VPS8: variants seen among roughly 807,000 people sequenced by gnomAD.
The protein encoded by VPS8 is VPS8 subunit of CORVET complex, also known as vacuolar protein sorting-associated protein 8 homolog.
VPS8 carries 129 observed loss-of-function variants against 216.4 expected under a neutral mutation model. That is an observed-to-expected ratio of 0.60 (90% CI 0.52 to 0.69). The LOEUF is 0.69. Ranked by LOEUF, VPS8 falls within the 30% of genes least tolerant of loss-of-function variation. VPS8 has a pLI of 0.00. For missense variants in VPS8, 1,531 were observed against 1,683.5 expected (o/e 0.91, Z 1.59); for synonymous variants, 571 against 565.4 (o/e 1.01, Z -0.14).
At position 184,950,648 on chromosome 3, in the gene VPS8, T is replaced by C. The variant is rs138716505; in HGVS notation, c.3036-6726T>C. 1.7e-3 allele frequency among the ~76,000 whole-genome samples: 265 copies of C among 152,314 alleles called. 3 individuals are homozygous for C. In the East Asian group the frequency reaches 0.038, roughly 22 times the overall value. ...TACGTGTGCAGAATGTGCAGGTTTG[T>C]TACATAGGTATACATGTGCCATGGT... On this transcript the variant is annotated intron_variant, in intron 36 of 47. Transcript: ENST00000625842.
At chr3:184,992,900 A>G (rs1379712608) in intron 42 of VPS8, among the ~76,000 whole-genome samples, 2 of 152,164 alleles carry the variant, frequency 1.3e-5, no homozygotes, top group African/African-American at 4.8e-5. Flanking sequence ...CTTTGAGTCT[A>G]TAGTTTTCTG....
chr3:184,891,952 A>G (rs1359663352), intron 22 of VPS8, among the ~76,000 whole-genome samples: 2 of 152,248 alleles, frequency 1.3e-5, no homozygotes, highest in Non-Finnish European at 2.9e-5. Context: ...AGTAAATTTA[A>G]CAGTTGTCCT....
At chr3:184,907,275 A>C (rs1178803978) in intron 25 of VPS8, among the ~76,000 whole-genome samples, 3 of 152,138 alleles carry the variant, frequency 2.0e-5, no homozygotes, top group Non-Finnish European at 2.9e-5. Context: ...GGCTCAGTGA[A>C]TCTGCATTTT....
At chr3:184,851,996 TG>T (rs1724368459) in intron 10 of VPS8, among the ~76,000 whole-genome samples, 1 of 152,196 alleles carries the variant, frequency 6.6e-6, no homozygotes, top group Non-Finnish European at 1.5e-5. Flanking sequence ...TAGCACGTTT[TG>T]GGAAGAGTTA....
intron 45 of VPS8, among the ~76,000 whole-genome samples, chr3:185,017,690 C>T (rs990174639): frequency 6.6e-6 from 1 of 152,316 alleles, no homozygotes; most frequent in African/African-American, 2.4e-5. Context: ...GGACCTTTTG[C>T]GGGGGTTCCC....
intron 25 of VPS8, among the ~76,000 whole-genome samples, chr3:184,911,386 G>T (rs537852030): frequency 6.6e-6 from 1 of 152,196 alleles, no homozygotes; most frequent in Non-Finnish European, 1.5e-5. Context: ...AGCAAGAAAG[G>T]TGTGTAAATC....
At chr3:184,826,288 T>C (rs1443077146) in intron 3 of VPS8, 57 bp downstream of exon 3, 3 of 1,438,504 alleles carry the variant, frequency 2.1e-6, no homozygotes, top group Non-Finnish European at 2.9e-6. Context: ...CTTAATACTT[T>C]TTGGATTAGT....
intron 28 of VPS8, among the ~76,000 whole-genome samples, chr3:184,919,354 A>G (rs1008681658): frequency 1.3e-5 from 2 of 152,220 alleles, no homozygotes; most frequent in African/African-American, 2.4e-5. Context: ...CATAGGAACT[A>G]TCTTTAAGTC....
intron 47 of VPS8, among the ~76,000 whole-genome samples, chr3:185,050,352 A>T (rs1456398816): frequency 6.6e-6 from 1 of 152,092 alleles, no homozygotes; most frequent in African/African-American, 2.4e-5. Flanking sequence ...CTGAGTTGTG[A>T]ATGAGACCAT....
At chr3:184,818,521 C>CA (rs11310520) in intron 1 of VPS8, among the ~76,000 whole-genome samples, 2,393 of 89,164 alleles carry the variant, frequency 0.027, 65 homozygotes, top group African/African-American at 0.099. Flanking sequence ...GAACCTGTCT[C>CA]AAAAAAAAAA....
chr3:184,958,633 G>T (rs547063929), intron 37 of VPS8, among the ~76,000 whole-genome samples: 1 of 152,174 alleles, frequency 6.6e-6, no homozygotes, highest in Non-Finnish European at 1.5e-5. Flanking sequence ...GCTTTAGTGT[G>T]CAGAGCTTCA....
Position 184,969,709 on chromosome 3 carries a change from C to T in VPS8, c.3317-1940C>T, listed in dbSNP as rs533131139. On this transcript the variant is annotated intron_variant, in intron 39 of 47. Coordinates refer to ENST00000625842, the MANE Select transcript of VPS8 (RefSeq NM_001009921.3). The stretch of plus-strand genomic sequence containing the variant: ...CCTCCCAAAGTGTTGGGATTACCAT[C>T]GTGAGCCACCACACCCAGCCAAAAA... 4.0e-5 allele frequency among the ~76,000 whole-genome samples: 6 copies of T among 150,988 alleles called. No homozygotes were observed. In the South Asian group the frequency reaches 1.3e-3, roughly 32 times the overall value.
chr3:184,985,681 CCAATCAGTGTG>C (rs1047060242), intron 42 of VPS8, among the ~76,000 whole-genome samples: 1 of 152,140 alleles, frequency 6.6e-6, no homozygotes, highest in Non-Finnish European at 1.5e-5. Context: ...CTAAACAAGG[CCAATCAGTGTG>C]CTTTCCAGGA....
chr3:184,956,903 C>T (rs1576978165), intron 36 of VPS8, among the ~76,000 whole-genome samples: 2 of 152,094 alleles, frequency 1.3e-5, no homozygotes, highest in Admixed American at 1.3e-4. Context: ...TACCTGGTAC[C>T]TACCCCTCAC....
chr3:184,828,439 G>A (rs1236809437), intron 3 of VPS8, among the ~76,000 whole-genome samples: 2 of 151,990 alleles, frequency 1.3e-5, no homozygotes, highest in Non-Finnish European at 2.9e-5. Context: ...ATACCTGGCC[G>A]ATGCTTTTTA....
At chr3:184,819,296 T>G (rs1320369169) in intron 1 of VPS8, among the ~76,000 whole-genome samples, 2 of 152,198 alleles carry the variant, frequency 1.3e-5, no homozygotes, top group African/African-American at 4.8e-5. Context: ...TCCTATCAGA[T>G]TAATCTGATT....
At chr3:184,818,844 C>T (rs1403089758) in intron 1 of VPS8, among the ~76,000 whole-genome samples, 3 of 151,866 alleles carry the variant, frequency 2.0e-5, no homozygotes, top group Non-Finnish European at 4.4e-5. Flanking sequence ...AGCTTGAGAA[C>T]AGTTAGGAAT....
chr3:184,948,889 G>A (rs758074619), intron 36 of VPS8, among the ~76,000 whole-genome samples: 20 of 152,176 alleles, frequency 1.3e-4, no homozygotes, highest in Non-Finnish European at 2.2e-4. Context: ...TATTCCTCCT[G>A]TCCCTGAAAT....
In VPS8 at chr3:185,041,602, G is replaced by T. The variant is rs546070350; in HGVS notation, c.4057-6877G>T. 4.6e-5 allele frequency among the ~76,000 whole-genome samples: 7 copies of T among 152,234 alleles called. No individual in the cohort carries two copies. The South Asian group carries it at 1.5e-3, about 32-fold the overall frequency. On this transcript the variant is annotated intron_variant, in intron 46 of 47. Coordinates refer to ENST00000625842, the MANE Select transcript of VPS8 (RefSeq NM_001009921.3). ...TTTTAGGCACTTCCCAAAATACATG[G>T]CAGTTATCTTCTTTCTCTTCAGTAT...
Sources: allele counts gnomAD v4.1 joint callset (sites outside exome capture counted in the v4.1 genomes callset), GRCh38; gene constraint gnomAD v4.1.1; transcripts MANE v1.5; gene names NCBI Gene and HGNC (gene_info 2026-07-23, HGNC 2026-07-21).